The following NRG3 variants were observed in gnomAD, a reference collection of about 807,000 sequenced individuals.
The protein encoded by NRG3 is neuregulin 3.
Under a neutral mutation model 66.9 loss-of-function variants are expected in NRG3, and 31 were observed. The observed-to-expected ratio is 0.46, with a 90% confidence interval of 0.35 to 0.63. The LOEUF (loss-of-function observed/expected upper bound fraction) is 0.63, where lower values mean the gene tolerates loss of function less well. NRG3 is among the 20% of genes least tolerant of loss of function. The probability of loss-of-function intolerance (pLI) is 0.00; values close to 1 mark genes in which losing one functional copy is unlikely to be tolerated. For missense variants in NRG3, 910 were observed against 878.9 expected (o/e 1.04, Z -0.45); for synonymous variants, 393 against 359.4 (o/e 1.09, Z -1.06).
At chr10:82,037,637 G>A (rs2062846752) in intron 1 of NRG3, among the ~76,000 whole-genome samples, 1 of 152,088 alleles carries the variant, frequency 6.6e-6, no homozygotes, top group Non-Finnish European at 1.5e-5. Context: ...ATATGAATGA[G>A]CACAGTACTA....
intron 3 of NRG3, among the ~76,000 whole-genome samples, chr10:82,839,395 A>G (rs1370717824): frequency 6.6e-6 from 1 of 152,234 alleles, no homozygotes; most frequent in East Asian, 1.9e-4. Flanking sequence ...GAGAAGATAA[A>G]TGCAGAGTAA....
rs138772138 is a variant in NRG3 at position 82,807,024 on chromosome 10, C to T, written c.1028-58387C>T. On this transcript the variant is annotated intron_variant, in intron 3 of 8. Transcript: ENST00000372141. ...TGTGATGGAATTACAGCTTTCCACA[C>T]ATTGTTTGCTGCCAAGACCCTAATT... Among the ~76,000 whole-genome samples the T allele has an allele frequency of 6.3e-3, 958 of 152,296 alleles. 9 individuals are homozygous for T. The highest frequency in any genetic ancestry group is 0.022 in the African/African-American group (899 of 41,564).
At chr10:81,878,109 C>A (rs1289753452) in intron 1 of NRG3, 4 of 1,514,250 alleles carry the variant, frequency 2.6e-6, no homozygotes, top group African/African-American at 2.8e-5. Context: ...ATTATTTCTA[C>A]CCCTCTATGC....
chr10:82,885,715 C>T (rs1842665291), intron 4 of NRG3, among the ~76,000 whole-genome samples: 1 of 152,162 alleles, frequency 6.6e-6, no homozygotes, highest in Non-Finnish European at 1.5e-5. Flanking sequence ...GGAAAGTTTA[C>T]CGGATATCAT....
chr10:82,099,789 T>A (rs1445890535), intron 1 of NRG3, among the ~76,000 whole-genome samples: 1 of 151,848 alleles, frequency 6.6e-6, no homozygotes, highest in Non-Finnish European at 1.5e-5. Context: ...TGGCAAGACT[T>A]CCTCTCTACA....
chr10:82,965,024 A>C (rs771874473), intron 6 of NRG3, among the ~76,000 whole-genome samples: 2 of 152,210 alleles, frequency 1.3e-5, no homozygotes, highest in East Asian at 3.9e-4. Context: ...GAGCATTTGC[A>C]TTAGCCGGCA....
intron 1 of NRG3, among the ~76,000 whole-genome samples, chr10:82,081,552 C>T (rs540097335): frequency 6.6e-6 from 1 of 152,140 alleles, no homozygotes; most frequent in Non-Finnish European, 1.5e-5. Context: ...GGTTAACAGT[C>T]TTTCTAGGTA....
At chr10:82,385,489 T>C (rs2085920203) in intron 2 of NRG3, among the ~76,000 whole-genome samples, 1 of 152,194 alleles carries the variant, frequency 6.6e-6, no homozygotes, top group Non-Finnish European at 1.5e-5. Flanking sequence ...TGATATTCAC[T>C]GGTAGGCAGG....
intron 1 of NRG3, among the ~76,000 whole-genome samples, chr10:81,991,917 A>G (rs1443438366): frequency 6.6e-6 from 1 of 152,178 alleles, no homozygotes; most frequent in African/African-American, 2.4e-5. Flanking sequence ...AACAAATATT[A>G]TATCATAGTT....
chr10:82,829,015 T>A (rs967997451), intron 3 of NRG3, among the ~76,000 whole-genome samples: 15 of 152,288 alleles, frequency 9.8e-5, no homozygotes, highest in African/African-American at 3.4e-4. Context: ...CTTTAGTAAA[T>A]TTTTTAAAGC....
intron 1 of NRG3, among the ~76,000 whole-genome samples, chr10:82,301,534 G>T (rs12761947): frequency 6.6e-6 from 1 of 151,916 alleles, no homozygotes; most frequent in Non-Finnish European, 1.5e-5. Flanking sequence ...CTACATCCTA[G>T]TATGGTTTCT....
intron 2 of NRG3, among the ~76,000 whole-genome samples, chr10:82,491,293 A>AATATATATATATATATACATAT (rs1554942718): frequency 3.6e-5 from 3 of 82,192 alleles, no homozygotes; most frequent in East Asian, 3.8e-4. Context: ...GTTCCCATAA[A>AATATATATATATATATACATAT]ATATATATAT....
chr10:82,080,058 G>A (rs965706862), intron 1 of NRG3, among the ~76,000 whole-genome samples: 2 of 152,100 alleles, frequency 1.3e-5, no homozygotes, highest in Admixed American at 6.5e-5. Context: ...GTCAGTACCG[G>A]GAGGTCTGCA....
At chr10:82,233,543 A>G (rs924156747) in intron 1 of NRG3, among the ~76,000 whole-genome samples, 2 of 152,122 alleles carry the variant, frequency 1.3e-5, no homozygotes, top group Non-Finnish European at 2.9e-5. Context: ...CTTTCTTTCT[A>G]TCATGACTTT....
intron 3 of NRG3, among the ~76,000 whole-genome samples, chr10:82,762,412 T>C (rs2059365567): frequency 6.6e-6 from 1 of 152,202 alleles, no homozygotes; most frequent in African/African-American, 2.4e-5. Context: ...AATGTTTATA[T>C]AATTCCATGC....
chr10:82,898,547 T>A (rs902744000), intron 4 of NRG3, among the ~76,000 whole-genome samples: 1 of 152,074 alleles, frequency 6.6e-6, no homozygotes, highest in Admixed American at 6.5e-5. Flanking sequence ...GGAATGACCT[T>A]GGACATCCAG....
At chr10:82,541,085 G>A (rs2043507297) in intron 2 of NRG3, among the ~76,000 whole-genome samples, 1 of 152,084 alleles carries the variant, frequency 6.6e-6, no homozygotes, top group Non-Finnish European at 1.5e-5. Context: ...CTGTCACCTT[G>A]ATCTCAGACT....
intron 1 of NRG3, among the ~76,000 whole-genome samples, chr10:82,199,450 T>C (rs1254099494): frequency 2.0e-5 from 3 of 152,162 alleles, no homozygotes; most frequent in Admixed American, 6.5e-5. Flanking sequence ...ATGCTTTAAA[T>C]ACCAGATAGG....
chr10:81,925,667 C>G (rs1846697917), intron 1 of NRG3, among the ~76,000 whole-genome samples: 1 of 151,952 alleles, frequency 6.6e-6, no homozygotes, highest in Non-Finnish European at 1.5e-5. Context: ...CTTGACTTTG[C>G]TCAAGCTTTA....
Sources: allele counts gnomAD v4.1 joint callset (sites outside exome capture counted in the v4.1 genomes callset), GRCh38; gene constraint gnomAD v4.1.1; transcripts MANE v1.5; gene names NCBI Gene and HGNC (gene_info 2026-07-23, HGNC 2026-07-21).